TPM4: variants seen among roughly 807,000 people sequenced by gnomAD.
TPM4 encodes tropomyosin alpha-4 chain.
A neutral mutation model predicts 35.8 loss-of-function variants in TPM4; 17 were observed. The observed-to-expected ratio is 0.47, with a 90% CI of 0.32 to 0.71. The LOEUF is 0.71. Among genes scored for constraint, TPM4 ranks in the 30% least tolerant of loss-of-function variants. TPM4 has a pLI of 0.03. For missense variants in TPM4, 240 were observed against 320.9 expected (o/e 0.75, Z 1.93); for synonymous variants, 120 against 122.9 (o/e 0.98, Z 0.15).
intron 1 of TPM4, 179 bp downstream of exon 1, chr19:16,076,876 G>C: frequency 8.2e-7 from 1 of 1,217,154 alleles, no homozygotes; most frequent in East Asian, 3.3e-5. Flanking sequence ...TACTTCCTCC[G>C]CCGTCCTCCT....
rs1028633816 is a variant in TPM4, at chr19:16,088,771, C to T, written c.456-274C>T. 12 of 1,187,890 alleles carry T rather than the reference C, an allele frequency of 1.0e-5. No homozygotes were observed. The African/African-American group carries it at 1.7e-4, about 17-fold the overall frequency. The allele number at this position is 1,187,890 out of a possible 1,614,324, so 73.6% of individuals were successfully genotyped here. A position where few individuals can be genotyped will look rare whatever the true frequency, so the allele number is the denominator to read the frequency against. On this transcript the variant is annotated intron_variant, in intron 4 of 7. Transcript: ENST00000643579. Reference sequence around the variant, plus strand: ...CAATCATAGATTTCACAAGTCCTTGCAGCCTTACCCTTGGCAAAAGACCAG... The same window carrying T: ...CAATCATAGATTTCACAAGTCCTTGTAGCCTTACCCTTGGCAAAAGACCAG...
intron 1 of TPM4, among the ~76,000 whole-genome samples, chr19:16,078,830 TAAA>T (rs55714667): frequency 2.3e-3 from 287 of 126,370 alleles, no homozygotes; most frequent in African/African-American, 8.0e-3. Flanking sequence ...AGGGGTGGGT[TAAA>T]AAAAAAAAAA....
At chr19:16,073,975 A>AT (rs2090380087), upstream of TPM4, among the ~76,000 whole-genome samples, 1 of 146,112 alleles carries the variant, frequency 6.8e-6, no homozygotes, top group African/African-American at 2.6e-5. Context: ...AAAAAAAAAA[A>AT]TAATGCACAC....
chr19:16,101,101 G>A (rs543850182), intron 7 of TPM4, 163 bp from the exon 8 acceptor site: 1 of 481,176 alleles, frequency 2.1e-6, no homozygotes, highest in South Asian at 2.8e-5. Context: ...AGCCTGGCAG[G>A]TGAAGGTTGC....
rs757855324 is a variant in TPM4 at position 16,070,483 on chromosome 19, GGCCAGGAGCCAGGCCA to G, written c.114+2749_114+2764del. ...GGCACCGAGTGCCCAGCCCCACCCA[GGCCAGGAGCCAGGCCA>G]GCCCGGCAGCTAAAGGCGAAAGCTC... On this transcript the variant is annotated intron_variant, in intron 2 of 2. Coordinates refer to the TPM4 transcript ENST00000589897. The surrounding 1 kb of genome is among the most constrained non-coding windows in gnomAD (Gnocchi z 7.4). 9.2e-3 allele frequency among the ~76,000 whole-genome samples: 1,393 copies of G among 152,170 alleles called. 14 individuals are homozygous for G. The highest frequency in any genetic ancestry group is 0.011 in the Non-Finnish European group (761 of 67,954).
intron 7 of TPM4, among the ~76,000 whole-genome samples, chr19:16,096,500 G>A (rs1424510510): frequency 1.3e-5 from 2 of 152,182 alleles, no homozygotes; most frequent in African/African-American, 4.8e-5. Flanking sequence ...CCCTTGAATG[G>A]GGCTTGAGCT....
chr19:16,095,689 A>G (rs2144959286), intron 7 of TPM4: 1 of 699,464 alleles, frequency 1.4e-6, no homozygotes, highest in Non-Finnish European at 1.8e-6. Flanking sequence ...AAACAAAAGC[A>G]AACTGGGCAT....
intron 7 of TPM4, among the ~76,000 whole-genome samples, chr19:16,099,427 T>C (rs1384550891): frequency 1.3e-5 from 2 of 151,852 alleles, no homozygotes; most frequent in Non-Finnish European, 2.9e-5. Flanking sequence ...CTACTAAAAA[T>C]ACAAGAATTG....
chr19:16,098,467 A>AAAAGC (rs1387961276), intron 7 of TPM4, among the ~76,000 whole-genome samples: 1 of 151,678 alleles, frequency 6.6e-6, no homozygotes, highest in African/African-American at 2.4e-5. Context: ...AAAAGAAAAG[A>AAAAGC]AAAGAGATTA....
At position 16,102,197 on chromosome 19, in the gene TPM4, A is replaced by T. The variant is rs999078390; in HGVS notation, c.*851A>T. 2.1e-5 allele frequency: 4 copies of T among 186,760 alleles called. No individual in the cohort carries two copies. The highest frequency in any genetic ancestry group is 9.3e-5 in the African/African-American group (4 of 42,800). 11.6% of individuals were successfully genotyped at this position (186,760 alleles called of 1,614,324 possible). ...CCATGTCTCTACTAAAAATACAAAAATTATGGTGACGCCTGCCTGTAGTCC... is the reference window on the plus strand; with the variant it reads ...CCATGTCTCTACTAAAAATACAAAATTTATGGTGACGCCTGCCTGTAGTCC... On this transcript the variant is annotated 3_prime_UTR_variant, in exon 8 of 8. Transcript: ENST00000643579.
intron 1 of TPM4, chr19:16,077,394 C>T (rs2090423727): frequency 6.6e-6 from 1 of 152,202 alleles, no homozygotes; most frequent in Non-Finnish European, 1.5e-5. Context: ...CCCGGGAACG[C>T]TGGCGCGGGG....
At position 16,095,514 on chromosome 19, in the gene TPM4, G is replaced by A. The variant is rs1027373749; in HGVS notation, c.664+1761G>A. On this transcript the variant is annotated intron_variant, in intron 7 of 7. Transcript: ENST00000643579. ...AAAGACGGGCAGTCCTCCTCTTCAT[G>A]CCCCCTCATTCTCATTTTCTCCACT... is the stretch of plus-strand genomic sequence containing the variant. The A allele has an allele frequency of 8.8e-6, 9 of 1,018,558 alleles. No homozygotes were observed. In the East Asian group the frequency reaches 5.2e-4, roughly 59 times the overall value. 63.1% of individuals were successfully genotyped at this position (1,018,558 alleles called of 1,614,324 possible).
At chr19:16,068,423 G>A (rs1386542790) in intron 2 of TPM4, among the ~76,000 whole-genome samples, 1 of 152,094 alleles carries the variant, frequency 6.6e-6, no homozygotes, top group Non-Finnish European at 1.5e-5. Context: ...TGATCCGCCC[G>A]CGTCTGCCTC....
Position 16,082,990 on chromosome 19 carries a change from CAAAAAAAAAAAAAAAA to C in TPM4, c.266+953_266+968del, listed in dbSNP as rs1195606325. Among the ~76,000 whole-genome samples, 10 of 62,854 alleles carry C rather than the reference CAAAAAAAAAAAAAAAA, an allele frequency of 1.6e-4. No individual in the cohort carries two copies. The Admixed American group carries it at 1.9e-3, about 12-fold the overall frequency. The allele number at this position is 62,854 out of a possible 152,430, so 41.2% of individuals were successfully genotyped here. Reference sequence around the variant, plus strand: ...CTCAGTGACAGATGAGATTCTGTCTCAAAAAAAAAAAAAAAAAAAAAAAAGCAGAGTACTGTGGAGA... The same window carrying C: ...CTCAGTGACAGATGAGATTCTGTCTCAAAAAAAAGCAGAGTACTGTGGAGA... On this transcript the variant is annotated intron_variant, in intron 2 of 7. Coordinates refer to ENST00000643579, the MANE Select transcript of TPM4 (RefSeq NM_003290.3).
chr19:16,078,172 G>T, intron 1 of TPM4: 1 of 398,700 alleles, frequency 2.5e-6, no homozygotes, highest in East Asian at 3.6e-5. Flanking sequence ...CGGGTTTTCT[G>T]TGCAGTTATG....
intron 7 of TPM4, among the ~76,000 whole-genome samples, chr19:16,098,425 CGACA>C (rs1440532531): frequency 6.6e-6 from 1 of 151,216 alleles, no homozygotes; most frequent in Non-Finnish European, 1.5e-5. Flanking sequence ...CCAGCCTGGG[CGACA>C]GAGTGAGACT....
intron 1 of TPM4, chr19:16,077,288 G>T (rs2090422045): frequency 1.4e-5 from 1 of 71,550 alleles, no homozygotes; most frequent in Admixed American, 1.6e-4. Flanking sequence ...CGGGGGGGAT[G>T]GGGGGTGGAG....
chr19:16,082,263 C>G (rs930524048), intron 2 of TPM4, among the ~76,000 whole-genome samples: 3 of 152,220 alleles, frequency 2.0e-5, no homozygotes, highest in African/African-American at 7.2e-5. Context: ...AATCCCAGCA[C>G]TTTGGGAGGC....
chr19:16,069,538 T>TGGATGACTGTGTGTTTCTGTTAGTGTGTA lies in TPM4; in HGVS notation c.114+1800_114+1801insGGATGACTGTGTGTTTCTGTTAGTGTGTA, dbSNP rs147905162. Among the ~76,000 whole-genome samples the TGGATGACTGTGTGTTTCTGTTAGTGTGTA allele has an allele frequency of 2.4e-3, 152 of 62,902 alleles. 9 individuals carry two copies. The highest frequency in any genetic ancestry group is 0.011 in the African/African-American group (145 of 13,766). The allele number at this position is 62,902 out of a possible 152,430, so 41.3% of individuals were successfully genotyped here. A position where few individuals can be genotyped will look rare whatever the true frequency, so the allele number is the denominator to read the frequency against. On this transcript the variant is annotated intron_variant, in intron 2 of 2. Transcript: ENST00000589897. ...GTGTTTCTATTGGTGTGTATGTGTGTTGTGTGTGGATGAGTGTGTGTTTCT... is the reference window on the plus strand; with the variant it reads ...GTGTTTCTATTGGTGTGTATGTGTGTGGATGACTGTGTGTTTCTGTTAGTGTGTATGTGTGTGGATGAGTGTGTGTTTCT...
Sources: allele counts gnomAD v4.1 joint callset (sites outside exome capture counted in the v4.1 genomes callset), GRCh38; gene constraint gnomAD v4.1.1; non-coding constraint Gnocchi (gnomAD v3.1); transcripts MANE v1.5; gene names NCBI Gene and HGNC (gene_info 2026-07-23, HGNC 2026-07-21).